Variants in COQ8A observed in about 807,000 individuals in gnomAD.
COQ8A encodes the protein coenzyme Q8A, also known as atypical kinase COQ8A, mitochondrial.
COQ8A carries 51 observed loss-of-function variants against 65.0 expected under a neutral mutation model. The ratio of observed to expected loss-of-function variants is 0.78; its 90% CI spans 0.63 to 0.99. The LOEUF is 0.99. COQ8A is among the 50% of genes least tolerant of loss of function. The pLI is 0.00. For synonymous variants in COQ8A, 371 were observed against 353.2 expected, an observed-to-expected ratio of 1.05 and a Z score of -0.57; for missense variants, 940 against 875.0, an observed-to-expected ratio of 1.07 and a Z score of -0.94.
rs190852220 is a variant in COQ8A at position 226,977,307 on chromosome 1, C to T, written c.656-142C>T. ...AGGTGGCATCTCCCACCTTGTTCCC[C>T]ACTTTTCAAAATGCTGGTGTGGCAG... is the stretch of plus-strand genomic sequence containing the variant. On this transcript the variant is annotated intron_variant, in intron 4 of 14. Transcript: ENST00000366777. The T allele has an allele frequency of 4.2e-6, 3 of 715,806 alleles. No individual in the cohort carries two copies. The East Asian group carries it at 8.3e-5, about 20-fold the overall frequency. The allele number at this position is 715,806 out of a possible 1,614,324, so 44.3% of individuals were successfully genotyped here.
chr1:226,959,003 T>C (rs1224246324), intron 1 of COQ8A, among the ~76,000 whole-genome samples: 2 of 152,206 alleles, frequency 1.3e-5, no homozygotes, highest in Non-Finnish European at 2.9e-5. Context: ...AAAATCATGA[T>C]GAAAATACCT....
At position 226,983,786 on chromosome 1, in the gene COQ8A, C is replaced by T. The variant is rs139133094; in HGVS notation, c.1188C>T (p.Asp396=). The stretch of plus-strand genomic sequence containing the variant: ...GCCTGTTCCCCGAGCACCTGATCGA[C>T]GTGCTGAGGCGGGAGCTGGCCCTGG... ...PEGLFPEHLI[D]VLRRELALEC... is the part of the protein sequence containing the mutation. Residue 396 remains aspartate, a synonymous_variant, in exon 10 of 15, where the codon GAC becomes GAT. Transcript: ENST00000366777. The T allele has an allele frequency of 2.7e-4, 441 of 1,613,030 alleles. 2 individuals are homozygous for T. The Middle Eastern group carries it at 7.2e-3, about 26-fold the overall frequency.
Position 226,943,752 on chromosome 1 carries a change from C to T in COQ8A, c.-10+3353C>T, listed in dbSNP as rs117186792. On this transcript the variant is annotated intron_variant, in intron 1 of 14. Transcript: ENST00000366777. Reference sequence around the variant, plus strand: ...TCATCCTTCTTAGTGTGCAGTTCTGCGCAGTTTGACAAACGCACATAGTCA... The same window carrying T: ...TCATCCTTCTTAGTGTGCAGTTCTGTGCAGTTTGACAAACGCACATAGTCA... Among the ~76,000 whole-genome samples the T allele has an allele frequency of 3.2e-3, 487 of 152,198 alleles. 16 individuals are homozygous for T. The East Asian group carries it at 0.062, about 20-fold the overall frequency.
rs561282695 is a variant in COQ8A, at chr1:226,945,200, A to G, written c.-10+4801A>G. Among the ~76,000 whole-genome samples the G allele has an allele frequency of 1.1e-3, 174 of 152,210 alleles. 1 individual carries two copies. The highest frequency in any genetic ancestry group is 4.1e-3 in the African/African-American group (172 of 41,538). ...CAGTCGCCTCACTTACACATGAGGA[A>G]ATGAGAAAACGCAGGCCCCAAGAGG... On this transcript the variant is annotated intron_variant, in intron 1 of 14. Coordinates refer to ENST00000366777, the MANE Select transcript of COQ8A (RefSeq NM_020247.5).
chr1:226,943,137 C>T (rs1015236214), intron 1 of COQ8A, among the ~76,000 whole-genome samples: 4 of 152,200 alleles, frequency 2.6e-5, no homozygotes, highest in Non-Finnish European at 5.9e-5. Context: ...GAAGGAAGGT[C>T]ACTTCTCCTT....
chr1:226,942,694 G>A (rs1558175211), intron 1 of COQ8A, among the ~76,000 whole-genome samples: 1 of 152,174 alleles, frequency 6.6e-6, no homozygotes, highest in Non-Finnish European at 1.5e-5. Flanking sequence ...TCAAACATAC[G>A]TATGTGTATT....
At chr1:226,952,119 C>T (rs1337227185) in intron 1 of COQ8A, among the ~76,000 whole-genome samples, 1 of 152,222 alleles carries the variant, frequency 6.6e-6, no homozygotes, top group Non-Finnish European at 1.5e-5. Flanking sequence ...AGACCCGCTG[C>T]TTGTTCCAAG....
intron 4 of COQ8A, among the ~76,000 whole-genome samples, chr1:226,968,326 C>T (rs1658682235): frequency 6.6e-6 from 1 of 152,070 alleles, no homozygotes; most frequent in South Asian, 2.1e-4. Context: ...CAGAGTGAGA[C>T]TCTGTCTCAA....
intron 4 of COQ8A, 180 bp from the exon 5 acceptor site, chr1:226,977,269 C>T (rs894925423): frequency 3.3e-6 from 2 of 600,804 alleles, no homozygotes; most frequent in Non-Finnish European, 5.9e-6. Flanking sequence ...GCCAAATGTT[C>T]TCTTAAAACA....
chr1:226,951,244 A>T (rs1206079709), intron 1 of COQ8A, among the ~76,000 whole-genome samples: 1 of 152,152 alleles, frequency 6.6e-6, no homozygotes, highest in East Asian at 1.9e-4. Flanking sequence ...AAGTGGAGGG[A>T]TGAAGGAATG....
At chr1:226,976,111 C>T (rs889776476) in intron 4 of COQ8A, among the ~76,000 whole-genome samples, 6 of 150,078 alleles carry the variant, frequency 4.0e-5, no homozygotes, top group African/African-American at 9.8e-5. Flanking sequence ...TGTGGGACTG[C>T]GATGTTGCCT....
intron 5 of COQ8A, among the ~76,000 whole-genome samples, chr1:226,979,093 C>T (rs1016887593): frequency 6.6e-6 from 1 of 152,236 alleles, no homozygotes; most frequent in Non-Finnish European, 1.5e-5. Context: ...TTCTCCTCAC[C>T]AGCTTAGTAA....
Position 226,983,569 on chromosome 1 carries a change from G to A in COQ8A, c.1098G>A (p.Gln366=), listed in dbSNP as rs765110596. ...AMKIQYPGVA[Q]SINSDVNNLM... ...CCCCACAGTACCCTGGCGTGGCCCA[G>A]AGCATCAACAGTGATGTCAACAACC... Residue 366 remains glutamine, a synonymous_variant, in exon 9 of 15, where the codon CAG becomes CAA. Coordinates refer to ENST00000366777, the MANE Select transcript of COQ8A (RefSeq NM_020247.5). 3.1e-6 allele frequency: 5 copies of A among 1,613,906 alleles called. No homozygotes were observed. The South Asian group carries it at 4.4e-5, about 14-fold the overall frequency.
intron 2 of COQ8A, 131 bp from the exon 3 acceptor site, chr1:226,964,869 G>T: frequency 9.4e-7 from 1 of 1,068,092 alleles, no homozygotes; most frequent in Non-Finnish European, 1.4e-6. Context: ...CTCAGGTGCA[G>T]CACTGTGCCA....
chr1:226,984,542 C>T lies in COQ8A; in HGVS notation c.1399-6C>T, dbSNP rs761684968. The T allele has an allele frequency of 1.9e-6, 3 of 1,610,290 alleles. No homozygotes were observed. Among genetic ancestry groups the T allele is most frequent in the Admixed American group, 1.7e-5 (1 of 60,028 alleles). ...GCCTGACACAGACCCTTCGCGCTGT[C>T]CACAGATCTGCTACAACATCCTGGT... On this transcript the variant is annotated splice_region_variant and splice_polypyrimidine_tract_variant and intron_variant, in intron 11 of 14. Transcript: ENST00000366777.
chr1:226,963,707 C>T (rs550065545), intron 2 of COQ8A, among the ~76,000 whole-genome samples: 4 of 152,308 alleles, frequency 2.6e-5, no homozygotes, highest in Admixed American at 6.5e-5. Flanking sequence ...CAGGTTCAAG[C>T]GATTCTCCTG....
chr1:226,987,271 G>C lies in COQ8A; in HGVS notation c.*534G>C, dbSNP rs958029568. On this transcript the variant is annotated 3_prime_UTR_variant, in exon 15 of 15. Coordinates refer to ENST00000366777, the MANE Select transcript of COQ8A (RefSeq NM_020247.5). ...GTGCTCCTTAAGCCTGCGAGGCCCAGGCCTGTGGGGCTGGTTCTCACCTTT... is the reference window on the plus strand; with the variant it reads ...GTGCTCCTTAAGCCTGCGAGGCCCACGCCTGTGGGGCTGGTTCTCACCTTT... 6.3e-6 allele frequency: 1 copy of C among 159,174 alleles called. No individual in the cohort carries two copies. The highest frequency in any genetic ancestry group is 1.4e-5 in the Non-Finnish European group (1 of 72,312). The allele number at this position is 159,174 out of a possible 1,614,324, so 9.9% of individuals were successfully genotyped here.
chr1:226,982,828 C>T, intron 7 of COQ8A, 65 bp downstream of exon 7: 1 of 1,612,774 alleles, frequency 6.2e-7, no homozygotes, highest in Non-Finnish European at 8.5e-7. Flanking sequence ...AGGGGACAGA[C>T]TTGGGGCTTC....
chr1:226,943,503 A>G (rs933544909), intron 1 of COQ8A, among the ~76,000 whole-genome samples: 4 of 152,168 alleles, frequency 2.6e-5, no homozygotes, highest in African/African-American at 7.2e-5. Flanking sequence ...CGAGTCCCCA[A>G]GGGGAGATAG....
Sources: gnomAD v4.1 joint callset for allele counts (sites outside exome capture counted in the v4.1 genomes callset) on GRCh38, gnomAD v4.1.1 for gene constraint, MANE v1.5 for transcripts, NCBI Gene and HGNC (gene_info 2026-07-23, HGNC 2026-07-21) for gene names.